RPTOR: variants seen among roughly 807,000 people sequenced by gnomAD.
The protein encoded by RPTOR is regulatory associated protein of MTOR complex 1.
Under a neutral mutation model 169.9 loss-of-function variants are expected in RPTOR, and 21 were observed. That is an observed-to-expected ratio of 0.12 (90% confidence interval 0.09 to 0.18). The LOEUF (loss-of-function observed/expected upper bound fraction) is 0.18, where lower values mean the gene tolerates loss of function less well. RPTOR is among the 10% of genes least tolerant of loss of function. RPTOR has a pLI of 1.00. For synonymous variants in RPTOR, 732 were observed against 753.2 expected (o/e 0.97, Z 0.46); for missense variants, 1,133 against 1,855.9 (o/e 0.61, Z 7.16).
chr17:80,672,623 T>C (rs933181971), intron 3 of RPTOR, among the ~76,000 whole-genome samples: 5 of 152,052 alleles, frequency 3.3e-5, no homozygotes, highest in Admixed American at 6.5e-5. Context: ...ACCCTGTCTC[T>C]ACTAAAAACA....
At chr17:80,907,897 A>G (rs1028108449) in intron 20 of RPTOR, among the ~76,000 whole-genome samples, 3 of 151,802 alleles carry the variant, frequency 2.0e-5, no homozygotes, top group African/African-American at 7.3e-5. Context: ...TTCCTAGCCC[A>G]CTGCTGACAG....
At chr17:80,691,312 C>T (rs577882355) in intron 3 of RPTOR, among the ~76,000 whole-genome samples, 31 of 109,846 alleles carry the variant, frequency 2.8e-4, no homozygotes, top group African/African-American at 1.5e-3. Flanking sequence ...TGTGCATGCA[C>T]GTGTGTGCAT....
chr17:80,730,519 T>G lies in RPTOR; in HGVS notation c.508-41T>G. On this transcript the variant is annotated intron_variant, in intron 4 of 33. Coordinates refer to ENST00000306801, the MANE Select transcript of RPTOR (RefSeq NM_020761.3). The surrounding 1 kb of genome is among the most constrained non-coding windows in gnomAD (Gnocchi z 4.2). The stretch of plus-strand genomic sequence containing the variant: ...AGTACTCACCAGCAGCCCATATTCC[T>G]GAGACGCACATGTAACGAGCGCACT... 2 of 1,603,404 alleles carry G rather than the reference T, an allele frequency of 1.2e-6. No homozygotes were observed. The highest frequency in any genetic ancestry group is 1.7e-6 in the Non-Finnish European group (2 of 1,171,014).
At chr17:80,772,090 G>T (rs114028071) in intron 6 of RPTOR, among the ~76,000 whole-genome samples, 9,068 of 152,210 alleles carry the variant, frequency 0.06, 918 homozygotes, top group African/African-American at 0.21. Flanking sequence ...CAAAGTGCTG[G>T]GATTACAGGC....
chr17:80,706,788 T>C (rs796452495), intron 3 of RPTOR, among the ~76,000 whole-genome samples: 1 of 152,346 alleles, frequency 6.6e-6, no homozygotes, highest in African/African-American at 2.4e-5. Context: ...TGGGAATGCA[T>C]TGAATATGTG....
At chr17:80,715,722 C>G (rs1351824253) in intron 4 of RPTOR, among the ~76,000 whole-genome samples, 2 of 151,930 alleles carry the variant, frequency 1.3e-5, no homozygotes, top group African/African-American at 2.4e-5. Context: ...CGCCCCCTCC[C>G]ACCCTTCTCC....
chr17:80,669,623 A>T (rs2065806691), intron 3 of RPTOR, among the ~76,000 whole-genome samples: 1 of 151,784 alleles, frequency 6.6e-6, no homozygotes, highest in African/African-American at 2.4e-5. Flanking sequence ...ACCTCAGGTG[A>T]TCCGCCCGCC....
intron 3 of RPTOR, among the ~76,000 whole-genome samples, chr17:80,657,384 T>A (rs1175384257): frequency 6.6e-6 from 1 of 152,214 alleles, no homozygotes; most frequent in African/African-American, 2.4e-5. Flanking sequence ...TAGGATCTTA[T>A]AACCTGATAT....
intron 6 of RPTOR, among the ~76,000 whole-genome samples, chr17:80,787,943 A>G (rs894485990): frequency 2.6e-5 from 4 of 152,170 alleles, no homozygotes; most frequent in South Asian, 4.1e-4. Context: ...GACGACTACA[A>G]ATGTTAACAA....
intron 3 of RPTOR, among the ~76,000 whole-genome samples, chr17:80,677,512 C>T (rs1047652277): frequency 1.3e-5 from 2 of 152,074 alleles, no homozygotes; most frequent in East Asian, 1.9e-4. Context: ...ACAGCCTCAC[C>T]TCCCACCTTC....
intron 7 of RPTOR, among the ~76,000 whole-genome samples, chr17:80,819,536 G>A (rs974721136): frequency 2.6e-5 from 4 of 152,214 alleles, no homozygotes; most frequent in African/African-American, 4.8e-5. Flanking sequence ...AATGGCAGAT[G>A]ACACAGCACC....
intron 3 of RPTOR, among the ~76,000 whole-genome samples, chr17:80,655,845 G>A (rs1340128694): frequency 1.3e-5 from 2 of 152,132 alleles, no homozygotes; most frequent in African/African-American, 2.4e-5. Flanking sequence ...CATATGTAAT[G>A]TGTGTAGCTG....
chr17:80,598,906 A>G (rs2065165138), intron 1 of RPTOR, among the ~76,000 whole-genome samples: 1 of 151,518 alleles, frequency 6.6e-6, no homozygotes, highest in Non-Finnish European at 1.5e-5. Context: ...CTATCTATCT[A>G]TCTATCTATC....
intron 3 of RPTOR, among the ~76,000 whole-genome samples, chr17:80,706,946 C>T (rs1344311295): frequency 6.6e-6 from 1 of 152,210 alleles, no homozygotes; most frequent in Non-Finnish European, 1.5e-5. Context: ...TCATGTTAAA[C>T]TTATTCCTAT....
chr17:80,892,872 A>G lies in RPTOR; in HGVS notation c.2242+3A>G. The stretch of plus-strand genomic sequence containing the variant: ...GAACCTGAGTTTGACAGAGGAATGT[A>G]AGATCCTGGAAATCGGGTTATTGGA... On this transcript the variant is annotated splice_donor_region_variant and intron_variant, in intron 19 of 33. Transcript: ENST00000306801. 2 of 1,613,128 alleles carry G rather than the reference A, an allele frequency of 1.2e-6. 1 individual carries two copies. Among genetic ancestry groups the G allele is most frequent in the African/African-American group, 2.7e-5 (2 of 75,006 alleles).
intron 4 of RPTOR, among the ~76,000 whole-genome samples, chr17:80,709,529 A>G (rs2143103148): frequency 6.6e-6 from 1 of 152,290 alleles, no homozygotes; most frequent in South Asian, 2.1e-4. Context: ...GATTCATGCC[A>G]CCGACCCCAG....
intron 2 of RPTOR, among the ~76,000 whole-genome samples, chr17:80,638,644 A>G (rs1279918852): frequency 1.3e-5 from 2 of 151,922 alleles, no homozygotes; most frequent in Non-Finnish European, 2.9e-5. Flanking sequence ...TGCCAGTTCC[A>G]TTGGTGTCTC....
At chr17:80,571,183 G>T (rs1056187791) in intron 1 of RPTOR, among the ~76,000 whole-genome samples, 7 of 152,140 alleles carry the variant, frequency 4.6e-5, no homozygotes, top group Non-Finnish European at 7.3e-5. Flanking sequence ...TACCTTAAAG[G>T]TTTAGTTAAT....
intron 28 of RPTOR, among the ~76,000 whole-genome samples, chr17:80,956,650 C>G (rs923119292): frequency 6.6e-6 from 1 of 152,274 alleles, no homozygotes; most frequent in African/African-American, 2.4e-5. Context: ...GGCGTCCAGA[C>G]GGCAGGCATC....
Sources: allele counts gnomAD v4.1 joint callset (sites outside exome capture counted in the v4.1 genomes callset), GRCh38; gene constraint gnomAD v4.1.1; non-coding constraint Gnocchi (gnomAD v3.1); transcripts MANE v1.5; gene names NCBI Gene and HGNC (gene_info 2026-07-23, HGNC 2026-07-21).